CNTN5: variants seen among roughly 807,000 people sequenced by gnomAD.
CNTN5 encodes contactin 5.
In CNTN5, 77 loss-of-function variants were observed where a neutral mutation model predicts 129.1. The ratio of observed to expected loss-of-function variants is 0.60; its 90% CI spans 0.50 to 0.72. The LOEUF (loss-of-function observed/expected upper bound fraction) is 0.72. Among genes scored for constraint, CNTN5 ranks in the 30% least tolerant of loss-of-function variants. The pLI is 0.00. For synonymous variants in CNTN5, 509 were observed against 465.6 expected (o/e 1.09, Z -1.20); for missense variants, 1,478 against 1,328.8 (o/e 1.11, Z -1.75).
At chr11:99,230,808 C>G (rs1860955503) in intron 1 of CNTN5, among the ~76,000 whole-genome samples, 1 of 152,014 alleles carries the variant, frequency 6.6e-6, no homozygotes, top group Non-Finnish European at 1.5e-5. Context: ...CTGATCCTCT[C>G]TCTCCCACCC....
rs1951421756 is a variant in CNTN5, at chr11:100,309,306, T to C, written c.2730+838T>C. On this transcript the variant is annotated intron_variant, in intron 21 of 24. Transcript: ENST00000524871. Reference sequence around the variant, plus strand: ...ATGATCAAGTATAGGACTTGTATACTAACATGGTTTCCAGGCTGAAACATA... The same window carrying C: ...ATGATCAAGTATAGGACTTGTATACCAACATGGTTTCCAGGCTGAAACATA... 3.0e-6 allele frequency: 3 copies of C among 984,014 alleles called. No homozygotes were observed. The South Asian group carries it at 1.4e-4, about 46-fold the overall frequency. The allele number at this position is 984,014 out of a possible 1,614,324, so 61.0% of individuals were successfully genotyped here. A position where few individuals can be genotyped will look rare whatever the true frequency, so the allele number is the denominator to read the frequency against.
At chr11:100,093,241 C>A (rs986175917) in intron 13 of CNTN5, among the ~76,000 whole-genome samples, 3 of 152,024 alleles carry the variant, frequency 2.0e-5, no homozygotes, top group African/African-American at 7.2e-5. Context: ...TATACCACAG[C>A]TAGTGTTTGT....
intron 20 of CNTN5, among the ~76,000 whole-genome samples, chr11:100,305,357 G>T (rs940519453): frequency 2.6e-5 from 4 of 151,520 alleles, no homozygotes; most frequent in Admixed American, 2.6e-4. Context: ...AGGAACTCTG[G>T]CATATGTAGA....
At chr11:99,107,772 A>C (rs1024122728) in intron 1 of CNTN5, among the ~76,000 whole-genome samples, 1 of 151,794 alleles carries the variant, frequency 6.6e-6, no homozygotes, top group African/African-American at 2.4e-5. Flanking sequence ...TCTACTAAAA[A>C]TACAAAAAAT....
intron 1 of CNTN5, among the ~76,000 whole-genome samples, chr11:99,146,447 A>C (rs543333531): frequency 6.6e-6 from 1 of 152,238 alleles, no homozygotes; most frequent in African/African-American, 2.4e-5. Context: ...ATTTTAACCT[A>C]CCTTGCAATA....
At chr11:100,166,711 A>G (rs1947648804) in intron 13 of CNTN5, among the ~76,000 whole-genome samples, 1 of 151,230 alleles carries the variant, frequency 6.6e-6, no homozygotes, top group South Asian at 2.1e-4. Flanking sequence ...AAAGGAAAGT[A>G]GTTACTAGCT....
intron 6 of CNTN5, among the ~76,000 whole-genome samples, chr11:99,902,555 G>T (rs186253122): frequency 6.6e-6 from 1 of 152,042 alleles, no homozygotes; most frequent in African/African-American, 2.4e-5. Flanking sequence ...TTACACTTCA[G>T]TGCAAAAGAG....
At chr11:100,117,585 A>G (rs1163355921) in intron 13 of CNTN5, among the ~76,000 whole-genome samples, 1 of 151,930 alleles carries the variant, frequency 6.6e-6, no homozygotes, top group Admixed American at 6.6e-5. Flanking sequence ...GGTCACTTCC[A>G]ATATCTCACT....
intron 18 of CNTN5, among the ~76,000 whole-genome samples, chr11:100,280,328 T>A (rs970459637): frequency 6.6e-6 from 1 of 151,984 alleles, no homozygotes; most frequent in African/African-American, 2.4e-5. Flanking sequence ...TCCTTACCTC[T>A]CATAATATTT....
At chr11:100,314,043 A>C (rs1467234681) in intron 21 of CNTN5, among the ~76,000 whole-genome samples, 1 of 152,172 alleles carries the variant, frequency 6.6e-6, no homozygotes, top group Non-Finnish European at 1.5e-5. Flanking sequence ...GTAGACATTT[A>C]GTAACCTTAA....
chr11:99,517,481 T>C (rs1383094184), intron 2 of CNTN5, among the ~76,000 whole-genome samples: 1 of 152,108 alleles, frequency 6.6e-6, no homozygotes, highest in Non-Finnish European at 1.5e-5. Context: ...CTCCACAATC[T>C]GGTCCCTGCT....
At chr11:99,029,731 G>A (rs73550161) in intron 1 of CNTN5, among the ~76,000 whole-genome samples, 1 of 152,040 alleles carries the variant, frequency 6.6e-6, no homozygotes, top group Admixed American at 6.6e-5. Context: ...TGAAAAAATT[G>A]GGATTTTGTT....
rs964894534 is a variant in CNTN5, at chr11:100,100,496, T to C, written c.1580+26202T>C. On this transcript the variant is annotated intron_variant, in intron 13 of 24. Coordinates refer to ENST00000524871, the MANE Select transcript of CNTN5 (RefSeq NM_014361.4). ...TAGAACCCATTCTTTTATATTTTCA[T>C]AAAGTATTCAATTCTTTGTCTCTCC... Among the ~76,000 whole-genome samples the C allele has an allele frequency of 2.0e-5, 3 of 152,110 alleles. No individual in the cohort carries two copies. The South Asian group carries it at 6.2e-4, about 31-fold the overall frequency.
At chr11:99,380,666 G>A (rs1180055571) in intron 2 of CNTN5, among the ~76,000 whole-genome samples, 1 of 149,972 alleles carries the variant, frequency 6.7e-6, no homozygotes, top group African/African-American at 2.5e-5. Flanking sequence ...CTACTCATGA[G>A]GCAAGGCTGG....
At chr11:100,105,839 C>T (rs933829748) in intron 13 of CNTN5, among the ~76,000 whole-genome samples, 6 of 152,158 alleles carry the variant, frequency 3.9e-5, no homozygotes, top group African/African-American at 1.4e-4. Flanking sequence ...GCAGCAAGTC[C>T]TTTGCACTTA....
chr11:99,585,948 T>G (rs892268461), intron 3 of CNTN5, among the ~76,000 whole-genome samples: 4 of 152,140 alleles, frequency 2.6e-5, no homozygotes, highest in African/African-American at 9.7e-5. Context: ...AATTGTTCTT[T>G]CTTTCCTTCC....
intron 1 of CNTN5, among the ~76,000 whole-genome samples, chr11:99,022,030 A>G (rs893599357): frequency 9.2e-5 from 14 of 152,184 alleles, no homozygotes; most frequent in African/African-American, 3.4e-4. Flanking sequence ...TTACTTTTAA[A>G]TCTTAGAACT....
At chr11:99,499,242 G>A (rs892744575) in intron 2 of CNTN5, among the ~76,000 whole-genome samples, 39 of 152,054 alleles carry the variant, frequency 2.6e-4, no homozygotes, top group African/African-American at 8.9e-4. Context: ...TAACAAAAAT[G>A]TTATACCTAG....
At chr11:99,886,789 C>T (rs1194105803) in intron 6 of CNTN5, among the ~76,000 whole-genome samples, 1 of 152,138 alleles carries the variant, frequency 6.6e-6, no homozygotes, top group Admixed American at 6.5e-5. Context: ...GCATGAAGAA[C>T]CCTTAAACAT....
Sources: gnomAD v4.1 joint callset for allele counts (sites outside exome capture counted in the v4.1 genomes callset) on GRCh38, gnomAD v4.1.1 for gene constraint, MANE v1.5 for transcripts, NCBI Gene and HGNC (gene_info 2026-07-23, HGNC 2026-07-21) for gene names.